Variants in RAB3GAP2 observed in about 807,000 individuals in gnomAD.
RAB3GAP2 encodes rab3 GTPase-activating protein non-catalytic subunit.
In RAB3GAP2, 87 loss-of-function variants were observed where a neutral mutation model predicts 185.3. The observed-to-expected ratio is 0.47, with a 90% CI of 0.39 to 0.56. The LOEUF (loss-of-function observed/expected upper bound fraction) is 0.56, where lower values mean the gene tolerates loss of function less well. Ranked by LOEUF, RAB3GAP2 falls within the 20% of genes least tolerant of loss-of-function variation. RAB3GAP2 has a pLI of 0.00. For synonymous variants in RAB3GAP2, 554 were observed against 576.1 expected, an observed-to-expected ratio of 0.96 and a Z score of 0.55; for missense variants, 1,492 against 1,638.2, an observed-to-expected ratio of 0.91 and a Z score of 1.54.
intron 2 of RAB3GAP2, among the ~76,000 whole-genome samples, chr1:220,215,874 T>C (rs1364128196): frequency 1.3e-5 from 2 of 152,080 alleles, no homozygotes; most frequent in African/African-American, 2.4e-5. Context: ...TTAATTTCCT[T>C]TTATAAAAAA....
Position 220,213,874 on chromosome 1 carries a change from T to C in RAB3GAP2, c.286A>G (p.Lys96Glu). 6.2e-7 allele frequency: 1 copy of C among 1,613,392 alleles called. No individual in the cohort carries two copies. The highest frequency in any genetic ancestry group is 8.5e-7 in the Non-Finnish European group (1 of 1,179,426). Residue 96 changes from lysine to glutamate, a missense_variant, in exon 3 of 35, where the codon AAA (lysine) becomes GAA (glutamate). Physicochemically the swap from Lys to Glu is moderately conservative, Grantham distance 56. This residue lies in a region of RAB3GAP2 where 177 missense variants were observed against 160.6 expected (regional missense o/e 1.10). Coordinates refer to ENST00000358951, the MANE Select transcript of RAB3GAP2 (RefSeq NM_012414.4). The stretch of plus-strand genomic sequence containing the variant: ...TACTCACGCACTAGAAATACAGCTT[T>C]TTGCTCTCGAGCTATCACCATAAGA... ...NDLMVIAREQ[K>E]AVFLVPKWKY...
chr1:220,166,641 T>G (rs1357444705), intron 26 of RAB3GAP2, among the ~76,000 whole-genome samples: 1 of 152,190 alleles, frequency 6.6e-6, no homozygotes, highest in Non-Finnish European at 1.5e-5. Flanking sequence ...GCTTCCAGAC[T>G]GTGAATGTCC....
intron 9 of RAB3GAP2, among the ~76,000 whole-genome samples, chr1:220,198,993 C>G (rs999866084): frequency 3.3e-5 from 5 of 152,020 alleles, no homozygotes; most frequent in Non-Finnish European, 5.9e-5. Context: ...TCTAAATGCT[C>G]TAGAGTAGGA....
At chr1:220,196,462 AGTTC>A (rs1178064759) in intron 9 of RAB3GAP2, 64 bp from the exon 10 acceptor site, 3 of 1,434,544 alleles carry the variant, frequency 2.1e-6, no homozygotes, top group Non-Finnish European at 2.9e-6. Context: ...TTTTTACTTC[AGTTC>A]CATTCTAAGA....
intron 8 of RAB3GAP2, among the ~76,000 whole-genome samples, chr1:220,204,270 T>G (rs937795301): frequency 2.6e-5 from 4 of 152,110 alleles, no homozygotes; most frequent in Non-Finnish European, 4.4e-5. Flanking sequence ...AGTAAATGCT[T>G]TTTTACTAGG....
Position 220,159,437 on chromosome 1 carries a change from A to G in RAB3GAP2, c.3226-16T>C, listed in dbSNP as rs760060272. 3 of 1,558,828 alleles carry G rather than the reference A, an allele frequency of 1.9e-6. No homozygotes were observed. The highest frequency in any genetic ancestry group is 2.7e-5 in the African/African-American group (2 of 73,658). The stretch of plus-strand genomic sequence containing the variant: ...ATTTTCCAACCTAAAATAAAAAGAT[A>G]AAATGTTGTAACATTTAATAATTTA... On this transcript the variant is annotated splice_polypyrimidine_tract_variant and intron_variant, in intron 28 of 34. Transcript: ENST00000358951.
At chr1:220,187,118 T>TCACTA (rs1658521094) in intron 17 of RAB3GAP2, among the ~76,000 whole-genome samples, 1 of 152,198 alleles carries the variant, frequency 6.6e-6, no homozygotes, top group African/African-American at 2.4e-5. Context: ...CTCCCATGTA[T>TCACTA]CACTATTCAC....
intron 27 of RAB3GAP2, among the ~76,000 whole-genome samples, 187 bp from the exon 28 acceptor site, chr1:220,162,455 A>G (rs933152951): frequency 6.6e-6 from 1 of 152,264 alleles, no homozygotes; most frequent in Non-Finnish European, 1.5e-5. Context: ...AATAAAAATC[A>G]GAACTAGGCT....
chr1:220,242,195 T>C (rs1659708551), intron 1 of RAB3GAP2, among the ~76,000 whole-genome samples: 1 of 152,182 alleles, frequency 6.6e-6, no homozygotes, highest in South Asian at 2.1e-4. Flanking sequence ...TTTGGTTCCA[T>C]AGTAAAGAAA....
intron 8 of RAB3GAP2, among the ~76,000 whole-genome samples, chr1:220,205,035 T>C (rs1658938145): frequency 6.6e-6 from 1 of 152,150 alleles, no homozygotes; most frequent in Admixed American, 6.6e-5. Context: ...TTTGCTATTG[T>C]ATTTTCACTG....
At chr1:220,180,170 GAA>G (rs916603313) in intron 21 of RAB3GAP2, among the ~76,000 whole-genome samples, 1 of 151,670 alleles carries the variant, frequency 6.6e-6, no homozygotes, top group African/African-American at 2.4e-5. Flanking sequence ...CAAAAAAAAA[GAA>G]AAGAGGGAAG....
chr1:220,159,740 G>A (rs370269936), intron 28 of RAB3GAP2, among the ~76,000 whole-genome samples: 1 of 151,296 alleles, frequency 6.6e-6, no homozygotes, highest in African/African-American at 2.4e-5. Context: ...AGCCTGGGCC[G>A]GGTGTGGTAG....
intron 1 of RAB3GAP2, among the ~76,000 whole-genome samples, chr1:220,264,350 A>G (rs1031933701): frequency 2.0e-5 from 3 of 152,142 alleles, no homozygotes; most frequent in African/African-American, 7.2e-5. Context: ...TGGAAAACTA[A>G]TAATAAAACG....
At chr1:220,210,005 T>C (rs4492628) in intron 7 of RAB3GAP2, among the ~76,000 whole-genome samples, 6,112 of 152,258 alleles carry the variant, frequency 0.04, 280 homozygotes, top group East Asian at 0.21. Flanking sequence ...GTAGTATCAC[T>C]AGTAACAAGG....
At chr1:220,194,941 G>A in intron 12 of RAB3GAP2, 137 bp downstream of exon 12, 2 of 883,782 alleles carry the variant, frequency 2.3e-6, no homozygotes, top group Non-Finnish European at 3.8e-6. Flanking sequence ...CATTCTAGTG[G>A]GAAAAGAAAT....
chr1:220,264,405 T>TA (rs1253859853), intron 1 of RAB3GAP2, among the ~76,000 whole-genome samples: 2 of 152,092 alleles, frequency 1.3e-5, no homozygotes, highest in South Asian at 2.1e-4. Context: ...AGGTTTTTTT[T>TA]ACACCTTGAA....
At chr1:220,197,404 G>A (rs1658750801) in intron 9 of RAB3GAP2, among the ~76,000 whole-genome samples, 1 of 152,150 alleles carries the variant, frequency 6.6e-6, no homozygotes, top group African/African-American at 2.4e-5. Flanking sequence ...CGTGTCCTAG[G>A]AAAGGAAATT....
At chr1:220,247,734 C>T (rs1659846406) in intron 1 of RAB3GAP2, among the ~76,000 whole-genome samples, 1 of 152,206 alleles carries the variant, frequency 6.6e-6, no homozygotes. Context: ...TTCACCTGTA[C>T]CCCCAAACTG....
At position 220,196,078 on chromosome 1, in the gene RAB3GAP2, T is replaced by C. The variant is rs920688583; in HGVS notation, c.960+172A>G. ...TATACTGATGGTAGTACCTTTTCAGTTAATCTAAAGAATTTAGAAGAAAGC... is the reference window on the plus strand; with the variant it reads ...TATACTGATGGTAGTACCTTTTCAGCTAATCTAAAGAATTTAGAAGAAAGC... On this transcript the variant is annotated intron_variant, in intron 10 of 34. Transcript: ENST00000358951. 5 of 734,360 alleles carry C rather than the reference T, an allele frequency of 6.8e-6. No homozygotes were observed. In the African/African-American group the frequency reaches 8.9e-5, roughly 13 times the overall value. The allele number at this position is 734,360 out of a possible 1,614,324, so 45.5% of individuals were successfully genotyped here. A position where few individuals can be genotyped will look rare whatever the true frequency, so the allele number is the denominator to read the frequency against.
Sources: gnomAD v4.1 joint callset for allele counts (sites outside exome capture counted in the v4.1 genomes callset) on GRCh38, gnomAD v4.1.1 for gene constraint, gnomAD v4.1.1 regional missense constraint, MANE v1.5 for transcripts, NCBI Gene and HGNC (gene_info 2026-07-23, HGNC 2026-07-21) for gene names.